The following SLC38A11 variants were observed in gnomAD, a reference collection of about 807,000 sequenced individuals.
SLC38A11 encodes the protein solute carrier family 38 member 11, also known as putative sodium-coupled neutral amino acid transporter 11.
Under a neutral mutation model 49.4 loss-of-function variants are expected in SLC38A11, and 51 were observed. The observed-to-expected ratio is 1.03, with a 90% confidence interval of 0.83 to 1.30. The LOEUF (loss-of-function observed/expected upper bound fraction) is 1.30. SLC38A11 is among the 50% of genes most tolerant of loss of function. SLC38A11 has a pLI of 0.00. For synonymous variants in SLC38A11, 203 were observed against 192.9 expected (o/e 1.05, Z -0.43); for missense variants, 574 against 556.2 (o/e 1.03, Z -0.32).
rs979316189 is a variant in SLC38A11 at position 164,916,602 on chromosome 2, A to C, written c.618-629T>G. ...AGCTTCCACAAATAATTAGTGAAGA[A>C]GTTGAGATTTATCTTCCTGGTTTAT... On this transcript the variant is annotated intron_variant, in intron 7 of 11. Coordinates refer to ENST00000685975, the MANE Select transcript of SLC38A11 (RefSeq NM_001351537.2). Among the ~76,000 whole-genome samples the C allele has an allele frequency of 2.0e-4, 30 of 152,272 alleles. 1 individual carries two copies. In the East Asian group the frequency reaches 2.9e-3, roughly 15 times the overall value.
At chr2:164,952,000 A>C (rs1359746104) in intron 3 of SLC38A11, among the ~76,000 whole-genome samples, 1 of 152,076 alleles carries the variant, frequency 6.6e-6, no homozygotes, top group African/African-American at 2.4e-5. Context: ...CCTCTTTCAC[A>C]GTGATCCTAA....
intron 7 of SLC38A11, among the ~76,000 whole-genome samples, chr2:164,933,193 A>G (rs933477596): frequency 2.6e-5 from 4 of 152,028 alleles, no homozygotes; most frequent in Non-Finnish European, 5.9e-5. Flanking sequence ...GCATGTTATA[A>G]TTTCCATTCT....
chr2:164,925,835 C>T (rs1316054340), intron 7 of SLC38A11, among the ~76,000 whole-genome samples: 1 of 152,014 alleles, frequency 6.6e-6, no homozygotes, highest in Non-Finnish European at 1.5e-5. Context: ...AGTGACTTAC[C>T]CAGTAGACAT....
intron 10 of SLC38A11, 132 bp from the exon 11 acceptor site, chr2:164,908,903 C>A: frequency 9.9e-7 from 1 of 1,013,336 alleles, no homozygotes. Flanking sequence ...TCTTAAGTCA[C>A]TAGGAATGTT....
At chr2:164,907,297 C>T (rs542466377) in intron 11 of SLC38A11, among the ~76,000 whole-genome samples, 33 of 72,494 alleles carry the variant, frequency 4.6e-4, no homozygotes, top group South Asian at 1.4e-3. Context: ...TTTTTGAGAC[C>T]GGGTCTCACT....
At chr2:164,931,676 C>T (rs1368152308) in intron 7 of SLC38A11, among the ~76,000 whole-genome samples, 1 of 151,968 alleles carries the variant, frequency 6.6e-6, no homozygotes, top group African/African-American at 2.4e-5. Flanking sequence ...ATGGTGAAAG[C>T]ACTCCTTATT....
intron 9 of SLC38A11, among the ~76,000 whole-genome samples, chr2:164,914,861 A>G (rs1469417387): frequency 6.6e-6 from 1 of 152,010 alleles, no homozygotes; most frequent in East Asian, 1.9e-4. Flanking sequence ...AGTGGAGGAA[A>G]GCCAAAAATC....
chr2:164,918,665 G>T (rs896439035), intron 7 of SLC38A11, among the ~76,000 whole-genome samples: 14 of 152,132 alleles, frequency 9.2e-5, no homozygotes, highest in African/African-American at 2.9e-4. Flanking sequence ...TCATTGAAAA[G>T]ATTGTGTAAA....
At chr2:164,899,695 A>G (rs186295934) in intron 11 of SLC38A11, among the ~76,000 whole-genome samples, 100 of 152,270 alleles carry the variant, frequency 6.6e-4, no homozygotes, top group African/African-American at 2.2e-3. Flanking sequence ...TGTATATTTG[A>G]GGTTTATAAC....
chr2:164,917,865 G>A lies in SLC38A11; in HGVS notation c.618-1892C>T, dbSNP rs531293468. ...CATATGGTTCCTTGGGTATATTCCC[G>A]GAGTGTGAAACAATACCTAGAGATA... is the stretch of plus-strand genomic sequence containing the variant. On this transcript the variant is annotated intron_variant, in intron 7 of 11. Coordinates refer to ENST00000685975, the MANE Select transcript of SLC38A11 (RefSeq NM_001351537.2). Among the ~76,000 whole-genome samples the A allele has an allele frequency of 2.6e-5, 4 of 151,874 alleles. No homozygotes were observed. The South Asian group carries it at 8.3e-4, about 32-fold the overall frequency.
intron 5 of SLC38A11, among the ~76,000 whole-genome samples, chr2:164,942,773 T>C (rs1462815550): frequency 6.6e-6 from 1 of 152,202 alleles, no homozygotes; most frequent in South Asian, 2.1e-4. Flanking sequence ...ACAATAATAA[T>C]AGCTAATAGT....
At chr2:164,898,758 A>G (rs771294805) in intron 11 of SLC38A11, 28 bp from the exon 12 acceptor site, 1 of 1,587,434 alleles carries the variant, frequency 6.3e-7, no homozygotes, top group South Asian at 1.1e-5. Context: ...GAAACAAGAT[A>G]ATGTCACTAG....
intron 3 of SLC38A11, among the ~76,000 whole-genome samples, chr2:164,950,857 A>G (rs1271623785): frequency 6.6e-6 from 1 of 152,178 alleles, no homozygotes; most frequent in Non-Finnish European, 1.5e-5. Context: ...TTATAGCTCC[A>G]ATCTAAAGAA....
At chr2:164,916,229 A>G (rs1030138211) in intron 7 of SLC38A11, among the ~76,000 whole-genome samples, 2 of 152,128 alleles carry the variant, frequency 1.3e-5, no homozygotes, top group Admixed American at 6.6e-5. Flanking sequence ...TATCCAGACT[A>G]TGTAATTTTG....
intron 5 of SLC38A11, among the ~76,000 whole-genome samples, chr2:164,940,105 A>G (rs1271352989): frequency 6.6e-6 from 1 of 150,758 alleles, no homozygotes; most frequent in Non-Finnish European, 1.5e-5. Flanking sequence ...TTTGTCAAGA[A>G]AAAACTGGTT....
intron 1 of SLC38A11, 58 bp from the exon 2 acceptor site, chr2:164,954,803 C>G: frequency 1.2e-6 from 1 of 821,032 alleles, no homozygotes; most frequent in Non-Finnish European, 1.9e-6. Flanking sequence ...AGAAAAGTAA[C>G]AAATATGTAA....
At chr2:164,919,711 C>T (rs1322069148) in intron 7 of SLC38A11, among the ~76,000 whole-genome samples, 1 of 152,140 alleles carries the variant, frequency 6.6e-6, no homozygotes, top group Non-Finnish European at 1.5e-5. Flanking sequence ...ATATCTAATA[C>T]AATGTAAATT....
intron 7 of SLC38A11, among the ~76,000 whole-genome samples, chr2:164,932,505 G>T (rs981008125): frequency 2.0e-5 from 3 of 152,068 alleles, no homozygotes; most frequent in Admixed American, 6.6e-5. Flanking sequence ...TCCATTAATG[G>T]CAGACTGGAT....
chr2:164,952,642 G>A, intron 3 of SLC38A11, 65 bp downstream of exon 3: 1 of 947,606 alleles, frequency 1.1e-6, no homozygotes, highest in Non-Finnish European at 1.7e-6. Context: ...GTGTGTGTGT[G>A]TGTGTATGTG....
Sources: gnomAD v4.1 joint callset for allele counts (sites outside exome capture counted in the v4.1 genomes callset) on GRCh38, gnomAD v4.1.1 for gene constraint, MANE v1.5 for transcripts, NCBI Gene and HGNC (gene_info 2026-07-23, HGNC 2026-07-21) for gene names.